The following CCDC91 variants were observed in gnomAD, a reference collection of about 807,000 sequenced individuals.
The protein encoded by CCDC91 is coiled-coil domain containing 91.
A neutral mutation model predicts 63.2 loss-of-function variants in CCDC91; 48 were observed. The ratio of observed to expected loss-of-function variants is 0.76; its 90% CI spans 0.60 to 0.97. The LOEUF (loss-of-function observed/expected upper bound fraction) is 0.97. Among genes scored for constraint, CCDC91 ranks in the 50% least tolerant of loss-of-function variants. The probability of loss-of-function intolerance (pLI) is 0.00; values close to 1 mark genes in which losing one functional copy is unlikely to be tolerated. For synonymous variants in CCDC91, 167 were observed against 165.8 expected (o/e 1.01, Z -0.06); for missense variants, 500 against 494.6 (o/e 1.01, Z -0.10).
chr12:28,326,968 A>G (rs1941068473), intron 6 of CCDC91, among the ~76,000 whole-genome samples: 1 of 152,068 alleles, frequency 6.6e-6, no homozygotes, highest in South Asian at 2.1e-4. Flanking sequence ...ATGAGAGCCG[A>G]AAGTCACAGA....
At chr12:28,473,929 T>C (rs1454506896) in intron 11 of CCDC91, among the ~76,000 whole-genome samples, 1 of 151,856 alleles carries the variant, frequency 6.6e-6, no homozygotes, top group Non-Finnish European at 1.5e-5. Context: ...GACTAACAAA[T>C]GATCCACTCG....
chr12:28,456,821 A>G (rs182244795), intron 11 of CCDC91, among the ~76,000 whole-genome samples: 1 of 152,238 alleles, frequency 6.6e-6, no homozygotes, highest in African/African-American at 2.4e-5. Flanking sequence ...GCAGTTAGAA[A>G]TATAGAAATG....
intron 8 of CCDC91, among the ~76,000 whole-genome samples, chr12:28,447,448 A>G (rs1384844229): frequency 1.3e-5 from 2 of 151,878 alleles, no homozygotes; most frequent in Non-Finnish European, 2.9e-5. Flanking sequence ...TATAATGAGC[A>G]TATATCAGTC....
Position 28,360,011 on chromosome 12 carries a change from G to C in CCDC91, c.577-2427G>C, listed in dbSNP as rs1943774094. On this transcript the variant is annotated intron_variant, in intron 6 of 12. Coordinates refer to ENST00000536442, the MANE Select transcript of CCDC91 (RefSeq NM_018318.5). The stretch of plus-strand genomic sequence containing the variant: ...AGGAATTTTCTTAAACAGGTTAATG[G>C]ATTTAGTTATTATTACCTAGTTTTA... Among the ~76,000 whole-genome samples, 2 of 152,066 alleles carry C rather than the reference G, an allele frequency of 1.3e-5. 1 individual carries two copies. Among genetic ancestry groups the C allele is most frequent in the South Asian group, 4.1e-4 (2 of 4,832 alleles).
chr12:28,311,706 GTTT>G, intron 6 of CCDC91, among the ~76,000 whole-genome samples: 1 of 151,112 alleles, frequency 6.6e-6, no homozygotes, highest in Non-Finnish European at 1.5e-5. Flanking sequence ...GGCCATGCGT[GTTT>G]TTTTTTAAAT....
intron 6 of CCDC91, among the ~76,000 whole-genome samples, chr12:28,318,225 A>G (rs1940103120): frequency 6.6e-6 from 1 of 151,886 alleles, no homozygotes; most frequent in African/African-American, 2.4e-5. Flanking sequence ...GAAAATGTAC[A>G]ACTTAATAAT....
chr12:28,264,585 C>CTGTGTGTGTGTGTGTGTGTGTGTG lies in CCDC91; in HGVS notation c.109+5155_109+5178dup, dbSNP rs34854850. 1.5e-4 allele frequency among the ~76,000 whole-genome samples: 20 copies of CTGTGTGTGTGTGTGTGTGTGTGTG among 137,316 alleles called. No individual in the cohort carries two copies. The East Asian group carries it at 4.3e-3, about 30-fold the overall frequency. 90.1% of individuals were successfully genotyped at this position (137,316 alleles called of 152,430 possible). A position where few individuals can be genotyped will look rare whatever the true frequency, so the allele number is the denominator to read the frequency against. ...TAGGCACATATATATATATGTCTGT[C>CTGTGTGTGTGTGTGTGTGTGTGTG]TGTGTGTGTGTGTGTGTGTGTGTGT... On this transcript the variant is annotated intron_variant, in intron 3 of 12. Coordinates refer to ENST00000536442, the MANE Select transcript of CCDC91 (RefSeq NM_018318.5).
intron 6 of CCDC91, among the ~76,000 whole-genome samples, chr12:28,345,627 C>T (rs780642107): frequency 6.6e-6 from 1 of 151,930 alleles, no homozygotes; most frequent in South Asian, 2.1e-4. Flanking sequence ...ATTTCTAAAG[C>T]TTTTTTTAAT....
chr12:28,337,585 G>A (rs577462196), intron 6 of CCDC91, among the ~76,000 whole-genome samples: 2 of 150,930 alleles, frequency 1.3e-5, no homozygotes, highest in African/African-American at 4.9e-5. Context: ...ATCATAGGAT[G>A]GAAATACATA....
At chr12:28,416,671 C>T (rs551169337) in intron 8 of CCDC91, among the ~76,000 whole-genome samples, 1 of 151,936 alleles carries the variant, frequency 6.6e-6, no homozygotes, top group Non-Finnish European at 1.5e-5. Context: ...GGGATTTTGT[C>T]CAAACCTACT....
At chr12:28,397,905 G>A (rs1343375763) in intron 8 of CCDC91, among the ~76,000 whole-genome samples, 1 of 151,960 alleles carries the variant, frequency 6.6e-6, no homozygotes, top group Non-Finnish European at 1.5e-5. Context: ...AAAAATAACC[G>A]ATAGCAACCC....
intron 3 of CCDC91, among the ~76,000 whole-genome samples, chr12:28,299,077 G>A (rs1937755525): frequency 1.3e-5 from 2 of 151,406 alleles, no homozygotes; most frequent in African/African-American, 4.8e-5. Context: ...TCTTTATTTA[G>A]CAGTTTTGCC....
At chr12:28,232,615 T>C (rs1944673499) in intron 1 of CCDC91, among the ~76,000 whole-genome samples, 1 of 152,166 alleles carries the variant, frequency 6.6e-6, no homozygotes, top group South Asian at 2.1e-4. Context: ...AAAACAGGGA[T>C]GAACTTAGAG....
At chr12:28,257,349 C>A in intron 2 of CCDC91, 104 bp downstream of exon 2, 3 of 690,472 alleles carry the variant, frequency 4.3e-6, no homozygotes, top group Non-Finnish European at 7.5e-6. Context: ...ATGATATTTC[C>A]TTGATCATTT....
At chr12:28,341,003 T>C (rs1942377045) in intron 6 of CCDC91, among the ~76,000 whole-genome samples, 1 of 152,086 alleles carries the variant, frequency 6.6e-6, no homozygotes, top group Non-Finnish European at 1.5e-5. Context: ...AAGGTTGTTT[T>C]CCCCTGGAGT....
At chr12:28,406,833 C>A (rs1321665032) in intron 8 of CCDC91, among the ~76,000 whole-genome samples, 2 of 129,748 alleles carry the variant, frequency 1.5e-5, no homozygotes, top group African/African-American at 5.1e-5. Context: ...TATCAATACC[C>A]AACTCTTCCA....
At chr12:28,211,927 G>C (rs1468419892) in intron 1 of CCDC91, among the ~76,000 whole-genome samples, 1 of 152,114 alleles carries the variant, frequency 6.6e-6, no homozygotes, top group East Asian at 1.9e-4. Context: ...CCTCTAACTG[G>C]TCCCTAGCCA....
intron 6 of CCDC91, among the ~76,000 whole-genome samples, chr12:28,325,379 C>G (rs1940892193): frequency 6.6e-6 from 1 of 151,938 alleles, no homozygotes; most frequent in African/African-American, 2.4e-5. Flanking sequence ...AAGATGCCTT[C>G]TATGTTCCAA....
At chr12:28,240,058 G>T (rs538236976) in intron 1 of CCDC91, among the ~76,000 whole-genome samples, 1 of 152,170 alleles carries the variant, frequency 6.6e-6, no homozygotes, top group South Asian at 2.1e-4. Context: ...TTTAAATTTG[G>T]AATCAGATTG....
Sources: allele counts gnomAD v4.1 joint callset (sites outside exome capture counted in the v4.1 genomes callset), GRCh38; gene constraint gnomAD v4.1.1; transcripts MANE v1.5; gene names NCBI Gene and HGNC (gene_info 2026-07-23, HGNC 2026-07-21).